ASL: variants seen among roughly 807,000 people sequenced by gnomAD.
The protein encoded by ASL is argininosuccinase.
ASL carries 51 observed loss-of-function variants against 69.1 expected under a neutral mutation model. That is an observed-to-expected ratio of 0.74 (90% CI 0.59 to 0.93). The LOEUF (loss-of-function observed/expected upper bound fraction) is 0.93. ASL is among the 40% of genes least tolerant of loss of function. ASL has a pLI of 0.00. For synonymous variants in ASL, 241 were observed against 247.6 expected, an observed-to-expected ratio of 0.97 and a Z score of 0.25; for missense variants, 540 against 623.9, an observed-to-expected ratio of 0.87 and a Z score of 1.43.
intron 15 of ASL, 144 bp from the exon 16 acceptor site, chr7:66,092,413 G>A (rs913318072): frequency 1.5e-5 from 12 of 787,164 alleles, no homozygotes; most frequent in East Asian, 5.4e-5. Flanking sequence ...GTGAGATCGC[G>A]CCACTGCACT....
At chr7:66,081,546 C>T (rs1786502467) in intron 2 of ASL, among the ~76,000 whole-genome samples, 1 of 151,310 alleles carries the variant, frequency 6.6e-6, no homozygotes, top group African/African-American at 2.4e-5. Context: ...CACCACTGTA[C>T]TCCAGCCTGG....
chr7:66,090,434 T>C (rs1786809944), intron 14 of ASL, among the ~76,000 whole-genome samples: 1 of 151,936 alleles, frequency 6.6e-6, no homozygotes, highest in Non-Finnish European at 1.5e-5. Flanking sequence ...CCACCACGCC[T>C]GGCTAATTTT....
chr7:66,082,232 C>T lies in ASL; in HGVS notation c.208-136C>T. The T allele has an allele frequency of 3.6e-6, 4 of 1,097,354 alleles. No individual in the cohort carries two copies. The South Asian group carries it at 5.4e-5, about 15-fold the overall frequency. The allele number at this position is 1,097,354 out of a possible 1,614,324, so 68.0% of individuals were successfully genotyped here. Reference sequence around the variant, plus strand: ...GTGTGCTGGGCCTGAGATGCCCCCTCCCAGGGTGCGCTTCCAGGACTCAGC... The same window carrying T: ...GTGTGCTGGGCCTGAGATGCCCCCTTCCAGGGTGCGCTTCCAGGACTCAGC... On this transcript the variant is annotated intron_variant, in intron 3 of 16. Coordinates refer to ENST00000304874, the MANE Select transcript of ASL (RefSeq NM_000048.4).
At chr7:66,084,168 T>TG (rs962477039) in intron 6 of ASL, among the ~76,000 whole-genome samples, 35 of 151,618 alleles carry the variant, frequency 2.3e-4, no homozygotes, top group African/African-American at 7.3e-4. Flanking sequence ...GTTGTTGTTT[T>TG]TTTTTTTTTG....
intron 10 of ASL, 55 bp from the exon 11 acceptor site, chr7:66,088,751 TG>T: frequency 6.8e-7 from 1 of 1,476,232 alleles, no homozygotes; most frequent in African/African-American, 1.4e-5. Context: ...GCCCCCTGTA[TG>T]GTCAGGCTGG....
chr7:66,082,055 A>G, intron 3 of ASL, 58 bp downstream of exon 3: 1 of 1,552,018 alleles, frequency 6.4e-7, no homozygotes, highest in Non-Finnish European at 8.7e-7. Flanking sequence ...CCAGGCTCCC[A>G]CCAAATCCCT....
At chr7:66,078,230 T>C (rs1407232041) in intron 2 of ASL, among the ~76,000 whole-genome samples, 1 of 152,128 alleles carries the variant, frequency 6.6e-6, no homozygotes, top group African/African-American at 2.4e-5. Flanking sequence ...ACTGGCTGGC[T>C]CCAGTGATCA....
At chr7:66,080,385 C>CCAAA (rs1786468524) in intron 2 of ASL, among the ~76,000 whole-genome samples, 1 of 61,348 alleles carries the variant, frequency 1.6e-5, no homozygotes, top group South Asian at 7.2e-4. Context: ...GACTCCATCT[C>CCAAA]AAAAAAAAAA....
intron 2 of ASL, among the ~76,000 whole-genome samples, chr7:66,076,615 C>T (rs1048064519): frequency 3.3e-5 from 5 of 152,230 alleles, no homozygotes; most frequent in African/African-American, 1.2e-4. Flanking sequence ...TGCCTGGTCC[C>T]TTCCTGTCTC....
At chr7:66,086,529 CA>C in intron 6 of ASL, 55 bp from the exon 7 acceptor site, 4 of 1,587,442 alleles carry the variant, frequency 2.5e-6, no homozygotes, top group Non-Finnish European at 3.4e-6. Context: ...GTTCCAGTGT[CA>C]CAGGCAGGCC....
At chr7:66,078,029 C>A (rs1025574412) in intron 2 of ASL, among the ~76,000 whole-genome samples, 1 of 152,216 alleles carries the variant, frequency 6.6e-6, no homozygotes, top group African/African-American at 2.4e-5. Context: ...TGGCTTCCAA[C>A]AAGCCCAGTG....
In ASL at chr7:66,075,842, T is replaced by G. The variant is rs1010672027; in HGVS notation, c.-58T>G. 79 of 526,700 alleles carry G rather than the reference T, an allele frequency of 1.5e-4. No homozygotes were observed. In the East Asian group the frequency reaches 2.7e-3, roughly 18 times the overall value. 32.6% of individuals were successfully genotyped at this position (526,700 alleles called of 1,614,324 possible). On this transcript the variant is annotated 5_prime_UTR_variant, in exon 1 of 17. Transcript: ENST00000304874. ...CCAGTGGCGGGCGCGACACTATCCG[T>G]GCGGCCAGGCGGAGGTGAGTGCGCG...
chr7:66,083,448 G>A, intron 6 of ASL: 1 of 369,804 alleles, frequency 2.7e-6, no homozygotes, highest in South Asian at 2.2e-5. Context: ...ACTTTGGGAG[G>A]CCGAGGTGGG....
chr7:66,088,943 C>G, intron 11 of ASL, 22 bp downstream of exon 11: 1 of 1,611,046 alleles, frequency 6.2e-7, no homozygotes, highest in Non-Finnish European at 8.5e-7. Flanking sequence ...ACTGCCACCT[C>G]CATCTGCCGC....
Position 66,089,673 on chromosome 7 carries a change from C to T in ASL, c.1040C>T (p.Thr347Ile), listed in dbSNP as rs1331990086. 1.9e-6 allele frequency: 3 copies of T among 1,613,888 alleles called. No individual in the cohort carries two copies. The Admixed American group carries it at 5.0e-5, about 27-fold the overall frequency. Residue 347 changes from threonine (T) to isoleucine (I), a missense_variant, in exon 14 of 17, where the codon ACT becomes ATT. By Grantham distance (89) the Thr-to-Ile change is moderately conservative (BLOSUM62 -1). Transcript: ENST00000304874. ...ATGAGTGCCGTGCTCCAGGTGGCCA[C>T]TGGCGTCATCTCTACGCTGCAGGCA... ...DTMSAVLQVA[T>I]GVISTLQIHQ... is the part of the protein sequence containing the mutation.
intron 6 of ASL, among the ~76,000 whole-genome samples, chr7:66,086,046 C>A (rs1441796694): frequency 1.3e-5 from 2 of 152,124 alleles, no homozygotes; most frequent in African/African-American, 4.8e-5. Flanking sequence ...TATGATCATG[C>A]CACTGCACTC....
At chr7:66,084,518 C>T (rs111890859) in intron 6 of ASL, among the ~76,000 whole-genome samples, 19 of 152,122 alleles carry the variant, frequency 1.2e-4, no homozygotes, top group Non-Finnish European at 2.5e-4. Context: ...CCTGCTCTGT[C>T]ACCTAGGCTG....
At position 66,086,749 on chromosome 7, in the gene ASL, C is replaced by CCGTGGCACTGACCCGAGACTCTGAG. The variant is rs796051932; in HGVS notation, c.533_557dup (p.Leu187GlyfsTer7). 6.2e-7 allele frequency: 1 copy of CCGTGGCACTGACCCGAGACTCTGAG among 1,606,092 alleles called. No individual in the cohort carries two copies. Among genetic ancestry groups the CCGTGGCACTGACCCGAGACTCTGAG allele is most frequent in the Admixed American group, 1.7e-5 (1 of 58,638 alleles). The stretch of plus-strand genomic sequence containing the variant: ...CTGCCCCTGGCTTCCCACAGCCACG[C>CCGTGGCACTGACCCGAGACTCTGAG]CGTGGCACTGACCCGAGACTCTGAG... On this transcript the variant is annotated frameshift_variant, in exon 8 of 17. Transcript: ENST00000304874. LOFTEE classifies it high-confidence loss of function.
intron 5 of ASL, 45 bp downstream of exon 5, chr7:66,082,981 G>A: frequency 1.2e-6 from 2 of 1,611,966 alleles, no homozygotes; most frequent in Non-Finnish European, 1.7e-6. Context: ...TCCCAACCTT[G>A]AGGAGCCCAG....
Sources: allele counts gnomAD v4.1 joint callset (sites outside exome capture counted in the v4.1 genomes callset), GRCh38; gene constraint gnomAD v4.1.1; transcripts MANE v1.5; gene names NCBI Gene and HGNC (gene_info 2026-07-23, HGNC 2026-07-21).